Variants in GUCY1A2 observed in about 807,000 individuals in gnomAD.
GUCY1A2 encodes the protein guanylate cyclase soluble subunit alpha-2.
GUCY1A2 carries 27 observed loss-of-function variants against 63.5 expected under a neutral mutation model. That is an observed-to-expected ratio of 0.43 (90% CI 0.31 to 0.59). GUCY1A2 has a LOEUF of 0.59. Among genes scored for constraint, GUCY1A2 ranks in the 20% least tolerant of loss-of-function variants. The pLI, the probability that GUCY1A2 is intolerant of heterozygous loss-of-function variation, is 0.11. For missense variants in GUCY1A2, 768 were observed against 913.3 expected (o/e 0.84, Z 2.05); for synonymous variants, 364 against 343.5 (o/e 1.06, Z -0.66).
At chr11:106,883,781 C>T (rs544438266) in intron 4 of GUCY1A2, among the ~76,000 whole-genome samples, 14 of 152,126 alleles carry the variant, frequency 9.2e-5, no homozygotes, top group Non-Finnish European at 1.8e-4. Context: ...GAGCAATGTA[C>T]GTCACCAGCC....
chr11:106,802,520 T>C (rs1565294854), intron 5 of GUCY1A2, among the ~76,000 whole-genome samples: 2 of 152,226 alleles, frequency 1.3e-5, no homozygotes, highest in South Asian at 4.1e-4. Context: ...CATGAAGAAA[T>C]TTCCACACTT....
chr11:106,892,131 T>A (rs1859983010), intron 4 of GUCY1A2, among the ~76,000 whole-genome samples: 1 of 152,126 alleles, frequency 6.6e-6, no homozygotes, highest in Non-Finnish European at 1.5e-5. Flanking sequence ...GCATCCTAAG[T>A]ATTTCCCAGA....
chr11:106,923,605 C>T (rs1350486177), intron 4 of GUCY1A2, among the ~76,000 whole-genome samples: 2 of 151,696 alleles, frequency 1.3e-5, no homozygotes, highest in Non-Finnish European at 2.9e-5. Flanking sequence ...AAACATATGA[C>T]AAAAAGGTAC....
At chr11:106,759,250 G>A (rs1864024214) in intron 6 of GUCY1A2, among the ~76,000 whole-genome samples, 1 of 151,858 alleles carries the variant, frequency 6.6e-6, no homozygotes, top group Admixed American at 6.6e-5. Flanking sequence ...GCCCAGTTGA[G>A]TTCAAAACAT....
intron 1 of GUCY1A2, among the ~76,000 whole-genome samples, chr11:106,988,575 C>G (rs1427187197): frequency 2.0e-5 from 3 of 152,198 alleles, no homozygotes; most frequent in Non-Finnish European, 4.4e-5. Flanking sequence ...GAAGCAATTA[C>G]TTCCACTCCC....
At position 106,940,011 on chromosome 11, in the gene GUCY1A2, T is replaced by C. The variant is rs1383672865; in HGVS notation, c.655A>G (p.Thr219Ala). Reference sequence around the variant, plus strand: ...CATAGGAAAGATGGTGACTCCAGAGTGGCCTGTTTTCCAAAAGAAGTTCTA... The same window carrying C: ...CATAGGAAAGATGGTGACTCCAGAGCGGCCTGTTTTCCAAAAGAAGTTCTA... Reference protein sequence around the residue: ...HIRTSFGKQATLESPSFLCKE... With the variant: ...HIRTSFGKQAALESPSFLCKE... The change falls in exon 4 of 8, where the codon ACT (threonine) becomes GCT (alanine). Residue 219 changes from threonine (T) to alanine (A), a missense_variant. Physicochemically the swap from Thr to Ala is moderately conservative, Grantham distance 58. Coordinates refer to ENST00000526355, the MANE Select transcript of GUCY1A2 (RefSeq NM_000855.3). 1 of 1,613,888 alleles carries C rather than the reference T, an allele frequency of 6.2e-7. No individual in the cohort carries two copies. Among genetic ancestry groups the C allele is most frequent in the Non-Finnish European group, 8.5e-7 (1 of 1,179,948 alleles).
At chr11:106,897,546 AAT>A (rs1330666528) in intron 4 of GUCY1A2, among the ~76,000 whole-genome samples, 2 of 151,588 alleles carry the variant, frequency 1.3e-5, no homozygotes, top group Non-Finnish European at 2.9e-5. Flanking sequence ...TAGAACTACA[AAT>A]ATATATATAT....
chr11:106,822,582 G>A (rs188305886), intron 4 of GUCY1A2, among the ~76,000 whole-genome samples: 24 of 152,208 alleles, frequency 1.6e-4, no homozygotes, highest in African/African-American at 4.8e-4. Context: ...TGTACTCAAC[G>A]TTTAGCTCCT....
At chr11:106,847,032 C>T (rs10890609) in intron 4 of GUCY1A2, among the ~76,000 whole-genome samples, 52,014 of 150,850 alleles carry the variant, frequency 0.34, 9,157 homozygotes, top group East Asian at 0.41. Context: ...GAAAATGTAA[C>T]CCAGGTTTAT....
intron 4 of GUCY1A2, among the ~76,000 whole-genome samples, chr11:106,905,410 G>A (rs1220447879): frequency 6.6e-6 from 1 of 152,094 alleles, no homozygotes; most frequent in Non-Finnish European, 1.5e-5. Flanking sequence ...GCATTGTCAG[G>A]TTCTAGTGAG....
At chr11:106,734,159 A>G (rs1863550559) in intron 6 of GUCY1A2, among the ~76,000 whole-genome samples, 1 of 152,144 alleles carries the variant, frequency 6.6e-6, no homozygotes, top group African/African-American at 2.4e-5. Context: ...GTATCCTCAG[A>G]AAAAACACAG....
chr11:106,709,382 TTA>T (rs1387943083), intron 6 of GUCY1A2, among the ~76,000 whole-genome samples: 20 of 99,124 alleles, frequency 2.0e-4, no homozygotes, highest in South Asian at 1.5e-3. Context: ...ATTATATATA[TTA>T]TATATTATAT....
At chr11:107,015,813 C>G (rs1056262112) in intron 1 of GUCY1A2, among the ~76,000 whole-genome samples, 3 of 152,004 alleles carry the variant, frequency 2.0e-5, no homozygotes, top group East Asian at 1.9e-4. Context: ...TATAAAATTA[C>G]GCTGCCTGGG....
intron 4 of GUCY1A2, among the ~76,000 whole-genome samples, chr11:106,815,609 C>G (rs2135427174): frequency 6.6e-6 from 1 of 151,856 alleles, no homozygotes; most frequent in African/African-American, 2.4e-5. Flanking sequence ...AGAAAAGGAA[C>G]AGAAGGACTA....
chr11:106,725,161 T>C (rs1272744266), intron 6 of GUCY1A2, among the ~76,000 whole-genome samples: 1 of 24,446 alleles, frequency 4.1e-5, no homozygotes, highest in Non-Finnish European at 7.6e-5. Context: ...TCTTTTTTTT[T>C]TTTTTTTTTT....
chr11:106,788,543 C>T (rs1381368241), intron 5 of GUCY1A2, among the ~76,000 whole-genome samples: 2 of 152,144 alleles, frequency 1.3e-5, no homozygotes, highest in Non-Finnish European at 2.9e-5. Context: ...GTCTTTAACC[C>T]ATTTTAATTT....
chr11:106,800,366 G>C (rs1864851874), intron 5 of GUCY1A2, among the ~76,000 whole-genome samples: 1 of 152,156 alleles, frequency 6.6e-6, no homozygotes. Flanking sequence ...AATACCATTT[G>C]ACCCAGCCAT....
chr11:106,850,402 G>A (rs1397483698), intron 4 of GUCY1A2, among the ~76,000 whole-genome samples: 1 of 151,656 alleles, frequency 6.6e-6, no homozygotes, highest in Non-Finnish European at 1.5e-5. Flanking sequence ...ATAAATTATA[G>A]TTATCCATAT....
chr11:106,813,150 G>A (rs1392015883), intron 4 of GUCY1A2, among the ~76,000 whole-genome samples: 1 of 151,876 alleles, frequency 6.6e-6, no homozygotes, highest in African/African-American at 2.4e-5. Flanking sequence ...TCTATCTAAG[G>A]TTTTATTGCA....
Sources: gnomAD v4.1 joint callset for allele counts (sites outside exome capture counted in the v4.1 genomes callset) on GRCh38, gnomAD v4.1.1 for gene constraint, MANE v1.5 for transcripts, NCBI Gene and HGNC (gene_info 2026-07-23, HGNC 2026-07-21) for gene names.